The following RBFOX1 variants were observed in gnomAD, a reference collection of about 807,000 sequenced individuals.
RBFOX1 encodes RNA binding protein fox-1 homolog 1.
Under a neutral mutation model 57.7 loss-of-function variants are expected in RBFOX1, and 8 were observed. The ratio of observed to expected loss-of-function variants is 0.14; its 90% CI spans 0.08 to 0.25. RBFOX1 has a LOEUF of 0.25. Among genes scored for constraint, RBFOX1 ranks in the 10% least tolerant of loss-of-function variants. The probability of loss-of-function intolerance (pLI) is 1.00; values close to 1 mark genes in which losing one functional copy is unlikely to be tolerated. For missense variants in RBFOX1, 611 were observed against 548.5 expected, an observed-to-expected ratio of 1.11 and a Z score of -1.14; for synonymous variants, 326 against 222.4, an observed-to-expected ratio of 1.47 and a Z score of -4.15.
At chr16:6,059,944 A>G (rs763557519) in intron 1 of RBFOX1, among the ~76,000 whole-genome samples, 3 of 151,990 alleles carry the variant, frequency 2.0e-5, no homozygotes, top group Non-Finnish European at 2.9e-5. Flanking sequence ...ACATCCCCCT[A>G]TGTTTACAGA....
At chr16:6,562,832 TTTTCTTTCTTTCTTTC>T (rs370685598) in intron 2 of RBFOX1, among the ~76,000 whole-genome samples, 13 of 75,984 alleles carry the variant, frequency 1.7e-4, no homozygotes, top group Non-Finnish European at 3.0e-4. Context: ...TTCTTGATTC[TTTTCTTTCTTTCTTTC>T]TTTCTTTCTT....
intron 14 of RBFOX1, among the ~76,000 whole-genome samples, chr16:7,677,644 T>G (rs1160320267): frequency 6.6e-6 from 1 of 152,224 alleles, no homozygotes; most frequent in Non-Finnish European, 1.5e-5. Flanking sequence ...TCATATTGAA[T>G]GCAACTCCTT....
intron 3 of RBFOX1, among the ~76,000 whole-genome samples, chr16:5,814,677 C>G (rs1244427249): frequency 2.0e-5 from 3 of 152,164 alleles, no homozygotes; most frequent in Non-Finnish European, 4.4e-5. Context: ...GCCTGTAATC[C>G]CAGCACTTTG....
intron 2 of RBFOX1, among the ~76,000 whole-genome samples, chr16:5,499,751 T>A (rs2043123556): frequency 6.6e-6 from 1 of 152,016 alleles, no homozygotes; most frequent in African/African-American, 2.4e-5. Context: ...GTTTGTATTG[T>A]TAGTAGAAAG....
chr16:6,977,875 T>C (rs1457385727), intron 3 of RBFOX1, among the ~76,000 whole-genome samples: 4 of 142,788 alleles, frequency 2.8e-5, no homozygotes, highest in African/African-American at 1.1e-4. Flanking sequence ...GAGAAACACG[T>C]GAGCTGAGGG....
chr16:7,315,456 AC>A (rs34625153), intron 4 of RBFOX1, among the ~76,000 whole-genome samples: 37,906 of 123,252 alleles, frequency 0.31, 5,862 homozygotes, highest in African/African-American at 0.42. Flanking sequence ...ACTCTACCCT[AC>A]CCCCCCCCCC....
intron 2 of RBFOX1, among the ~76,000 whole-genome samples, chr16:5,567,861 G>A (rs566249528): frequency 6.6e-6 from 1 of 152,284 alleles, no homozygotes; most frequent in Non-Finnish European, 1.5e-5. Flanking sequence ...TTCTTATTAA[G>A]GAAGTAGGGT....
chr16:5,610,269 A>G (rs956805216), intron 3 of RBFOX1: 12 of 152,336 alleles, frequency 7.9e-5, no homozygotes, highest in Admixed American at 7.8e-4. Flanking sequence ...TTGTTGAAAG[A>G]CTAGTGAGCA....
At chr16:6,203,944 C>T (rs1598342083) in intron 1 of RBFOX1, among the ~76,000 whole-genome samples, 1 of 151,306 alleles carries the variant, frequency 6.6e-6, no homozygotes, top group East Asian at 1.9e-4. Context: ...TATTAACTCT[C>T]AACCTGTTGG....
At chr16:7,529,415 G>T (rs771262289) in intron 5 of RBFOX1, among the ~76,000 whole-genome samples, 3 of 152,276 alleles carry the variant, frequency 2.0e-5, no homozygotes, top group South Asian at 4.1e-4. Context: ...AATTACAAGC[G>T]TGATGGTATG....
At chr16:5,812,311 G>A (rs2055462189) in intron 3 of RBFOX1, among the ~76,000 whole-genome samples, 1 of 152,182 alleles carries the variant, frequency 6.6e-6, no homozygotes, top group Non-Finnish European at 1.5e-5. Context: ...GAAGTAGAAA[G>A]GCTGGATCAT....
intron 3 of RBFOX1, among the ~76,000 whole-genome samples, chr16:5,630,164 A>G (rs1567320619): frequency 6.6e-6 from 1 of 152,226 alleles, no homozygotes; most frequent in African/African-American, 2.4e-5. Context: ...AGGAGGAAGC[A>G]TAGGCACTTT....
rs529566672 is a variant in RBFOX1, at chr16:7,332,860, C to T, written c.28-185287C>T. ...TGCGGATTTTCTTTCTTTCCTCTCC[C>T]GGCGTTGATGAGTGCTTGGCTCCTG... On this transcript the variant is annotated intron_variant, in intron 4 of 15. Transcript: ENST00000550418. 1.2e-5 allele frequency: 17 copies of T among 1,467,448 alleles called. No individual in the cohort carries two copies. The East Asian group carries it at 1.6e-4, about 14-fold the overall frequency. The allele number at this position is 1,467,448 out of a possible 1,614,324, so 90.9% of individuals were successfully genotyped here. A position where few individuals can be genotyped will look rare whatever the true frequency, so the allele number is the denominator to read the frequency against.
chr16:6,042,685 C>A (rs553187015), intron 1 of RBFOX1, among the ~76,000 whole-genome samples: 1 of 152,048 alleles, frequency 6.6e-6, no homozygotes, highest in South Asian at 2.1e-4. Flanking sequence ...CCTAAGAAAG[C>A]GTGTCTAAGA....
At chr16:5,820,356 C>T (rs1043396298) in intron 3 of RBFOX1, among the ~76,000 whole-genome samples, 1 of 152,112 alleles carries the variant, frequency 6.6e-6, no homozygotes, top group African/African-American at 2.4e-5. Flanking sequence ...ATAAATCCTG[C>T]AAGGGGGGAG....
chr16:7,062,893 A>ATTTTTTTTTTTT lies in RBFOX1; in HGVS notation c.27+10819_27+10830dup, dbSNP rs1170936027. On this transcript the variant is annotated intron_variant, in intron 4 of 15. Transcript: ENST00000550418. ...ACCTCATCTCATTCAAATGATCGCC[A>ATTTTTTTTTTTT]TTTTTTTTTTTTTTTTTTTTTTTTT... Among the ~76,000 whole-genome samples the ATTTTTTTTTTTT allele has an allele frequency of 9.3e-4, 44 of 47,278 alleles. 1 individual carries two copies. The highest frequency in any genetic ancestry group is 1.1e-3 in the African/African-American group (12 of 10,914). The allele number at this position is 47,278 out of a possible 152,430, so 31.0% of individuals were successfully genotyped here.
intron 3 of RBFOX1, among the ~76,000 whole-genome samples, chr16:6,669,941 A>G (rs2098753752): frequency 6.6e-6 from 1 of 152,238 alleles, no homozygotes; most frequent in South Asian, 2.1e-4. Context: ...GGAGTAACTT[A>G]CAAACTTCAA....
chr16:7,411,947 A>T (rs8050278), intron 4 of RBFOX1, among the ~76,000 whole-genome samples: 1 of 147,352 alleles, frequency 6.8e-6, no homozygotes, highest in Non-Finnish European at 1.5e-5. Flanking sequence ...CTGAGAAACT[A>T]TCACAGACAA....
At chr16:7,212,132 AG>A (rs763512357) in intron 4 of RBFOX1, among the ~76,000 whole-genome samples, 2 of 152,198 alleles carry the variant, frequency 1.3e-5, no homozygotes, top group Non-Finnish European at 2.9e-5. Flanking sequence ...GAAGGTGGAT[AG>A]GATTCATTGG....
Sources: gnomAD v4.1 joint callset for allele counts (sites outside exome capture counted in the v4.1 genomes callset) on GRCh38, gnomAD v4.1.1 for gene constraint, MANE v1.5 for transcripts, NCBI Gene and HGNC (gene_info 2026-07-23, HGNC 2026-07-21) for gene names.